Variants in SORT1 observed in about 807,000 individuals in gnomAD.
SORT1 encodes sortilin 1.
SORT1 carries 39 observed loss-of-function variants against 101.7 expected under a neutral mutation model. That is an observed-to-expected ratio of 0.38 (90% CI 0.30 to 0.50). The LOEUF is 0.50. SORT1 is among the 20% of genes least tolerant of loss of function. The pLI is 0.90. For synonymous variants in SORT1, 396 were observed against 393.7 expected (o/e 1.01, Z -0.07); for missense variants, 878 against 1,040.4 (o/e 0.84, Z 2.15).
chr1:109,314,160 C>T lies in SORT1; in HGVS notation c.2481+101G>A. The T allele has an allele frequency of 8.1e-6, 13 of 1,602,186 alleles. No individual in the cohort carries two copies. In the South Asian group the frequency reaches 1.2e-4, roughly 15 times the overall value. ...GCCAAATCTTATGGTCATTAAGTCG[C>T]CTTGGCCCTGGCATATCTTGATCAT... On this transcript the variant is annotated intron_variant, in intron 19 of 19. Coordinates refer to ENST00000256637, the MANE Select transcript of SORT1 (RefSeq NM_002959.7).
At chr1:109,339,200 T>C (rs1303862547) in intron 10 of SORT1, among the ~76,000 whole-genome samples, 1 of 152,140 alleles carries the variant, frequency 6.6e-6, no homozygotes, top group Non-Finnish European at 1.5e-5. Flanking sequence ...GCATGTGTAC[T>C]TCCTTCAGCT....
intron 6 of SORT1, 77 bp downstream of exon 6, chr1:109,350,852 A>G: frequency 1.0e-6 from 1 of 969,684 alleles, no homozygotes; most frequent in South Asian, 1.3e-5. Context: ...AGTGCTCAAT[A>G]TTTATTCATG....
rs550259343 is a variant in SORT1 at position 109,367,392 on chromosome 1, G to A, written c.440+16C>T. 7.5e-6 allele frequency: 11 copies of A among 1,462,122 alleles called. No individual in the cohort carries two copies. The highest frequency in any genetic ancestry group is 2.8e-5 in the African/African-American group (2 of 71,812). The allele number at this position is 1,462,122 out of a possible 1,614,324, so 90.6% of individuals were successfully genotyped here. On this transcript the variant is annotated intron_variant, in intron 3 of 19. Transcript: ENST00000256637. The stretch of plus-strand genomic sequence containing the variant: ...GTTACTTAGTGAAATGCTCCAACGC[G>A]TGTTATTGATCTCACCTTCGATATA...
intron 1 of SORT1, chr1:109,397,100 C>T (rs932475807): frequency 1.3e-5 from 2 of 152,296 alleles, no homozygotes; most frequent in Non-Finnish European, 2.9e-5. Context: ...ATCTCATTTC[C>T]AAGCTAGTCC....
rs763318446 is a variant in SORT1 at position 109,327,148 on chromosome 1, T to A, written c.1487A>T (p.Asp496Val). Residue 496 changes from aspartate (D) to valine (V), a missense_variant, in exon 13 of 20, where the codon GAT (aspartate) becomes GTT (valine). By Grantham distance (152) the Asp-to-Val change is radical (BLOSUM62 -3). Coordinates refer to ENST00000256637, the MANE Select transcript of SORT1 (RefSeq NM_002959.7). ...GIVIAHGSVG[D>V]AISVMVPDVY... ...ATCTGGAACCATCACTGAGATGGCA[T>A]CCCCCACGCTACCTGCAATATAATC... 6.2e-7 allele frequency: 1 copy of A among 1,612,156 alleles called. No individual in the cohort carries two copies. The highest frequency in any genetic ancestry group is 8.5e-7 in the Non-Finnish European group (1 of 1,179,008).
chr1:109,379,606 C>T (rs756174771), intron 1 of SORT1, among the ~76,000 whole-genome samples: 1 of 152,268 alleles, frequency 6.6e-6, no homozygotes, highest in South Asian at 2.1e-4. Flanking sequence ...TTCAGATGAC[C>T]TAATCCTACC....
Position 109,381,223 on chromosome 1 carries a change from T to C in SORT1, c.307-11634A>G, listed in dbSNP as rs186141640. On this transcript the variant is annotated intron_variant, in intron 1 of 19. Coordinates refer to ENST00000256637, the MANE Select transcript of SORT1 (RefSeq NM_002959.7). ...AGATGTCATATGTTGGGGTGATTAC[T>C]GCAGCTAACAACTATTGAACATTCC... Among the ~76,000 whole-genome samples the C allele has an allele frequency of 4.7e-4, 71 of 152,346 alleles. No individual in the cohort carries two copies. In the South Asian group the frequency reaches 7.9e-3, roughly 17 times the overall value.
At position 109,312,273 on chromosome 1, in the gene SORT1, T is replaced by C. The variant is rs1233861164; in HGVS notation, c.*1770A>G. The C allele has an allele frequency of 6.6e-6, 1 of 152,482 alleles. No homozygotes were observed. The allele number at this position is 152,482 out of a possible 1,614,324, so 9.4% of individuals were successfully genotyped here. On this transcript the variant is annotated 3_prime_UTR_variant, in exon 20 of 20. Transcript: ENST00000256637. ...TTTTTAATTTTAAAACCATGCAAAATGAATAAGCAAAAAGACTAGTGCACT... is the reference window on the plus strand; with the variant it reads ...TTTTTAATTTTAAAACCATGCAAAACGAATAAGCAAAAAGACTAGTGCACT...
intron 1 of SORT1, among the ~76,000 whole-genome samples, chr1:109,386,674 A>G (rs1418543430): frequency 6.6e-6 from 1 of 152,170 alleles, no homozygotes; most frequent in African/African-American, 2.4e-5. Flanking sequence ...GCAGCATAGT[A>G]AGACCTCATC....
intron 1 of SORT1, 184 bp downstream of exon 1, chr1:109,397,403 G>T: frequency 5.4e-6 from 1 of 183,888 alleles, no homozygotes; most frequent in Non-Finnish European, 1.1e-5. Flanking sequence ...ACAAAACACA[G>T]CCCCGCCGGC....
At chr1:109,347,228 A>G (rs1338609966) in intron 7 of SORT1, among the ~76,000 whole-genome samples, 1 of 151,514 alleles carries the variant, frequency 6.6e-6, no homozygotes, top group Non-Finnish European at 1.5e-5. Context: ...TGTCTGTAGC[A>G]TAATATTTGC....
rs1015986485 is a variant in SORT1, at chr1:109,323,000, C to G, written c.1956G>C (p.Gln652His). Residue 652 changes from glutamine to histidine, a missense_variant, in exon 15 of 20, where the codon CAG becomes CAC. Gln to His is a conservative substitution (Grantham distance 24). Around this residue, in one of 2 missense-constraint regions of SORT1, gnomAD observed 684 missense variants for 894.5 expected, o/e 0.76. Coordinates refer to ENST00000256637, the MANE Select transcript of SORT1 (RefSeq NM_002959.7). ...FLRLRKSSVC[Q>H]NGRDYVVTKQ... Reference sequence around the variant, plus strand: ...TGGTCACAACATAGTCTCGACCATTCTGACACACGGATGACTTGCGTAGCC... The same window carrying G: ...TGGTCACAACATAGTCTCGACCATTGTGACACACGGATGACTTGCGTAGCC... The G allele has an allele frequency of 1.9e-6, 3 of 1,614,238 alleles. No homozygotes were observed. The highest frequency in any genetic ancestry group is 1.7e-6 in the Non-Finnish European group (2 of 1,180,040).
chr1:109,360,495 ATTTTTTTT>A (rs774193343), intron 3 of SORT1, among the ~76,000 whole-genome samples: 12 of 132,164 alleles, frequency 9.1e-5, no homozygotes, highest in East Asian at 4.4e-4. Flanking sequence ...ACCACACTCA[ATTTTTTTT>A]TTTTTTTTTT....
intron 1 of SORT1, among the ~76,000 whole-genome samples, chr1:109,372,863 C>T (rs1012784555): frequency 6.0e-5 from 9 of 149,822 alleles, no homozygotes; most frequent in Non-Finnish European, 7.4e-5. Context: ...CGCGCCACTG[C>T]ACTCCAGCCT....
At chr1:109,339,031 C>G (rs971297800) in intron 10 of SORT1, among the ~76,000 whole-genome samples, 11 of 152,136 alleles carry the variant, frequency 7.2e-5, no homozygotes, top group African/African-American at 2.2e-4. Context: ...GTGTCCACCA[C>G]CACGCCCAGC....
At chr1:109,346,640 G>C (rs757554355) in intron 7 of SORT1, among the ~76,000 whole-genome samples, 1 of 151,410 alleles carries the variant, frequency 6.6e-6, no homozygotes, top group African/African-American at 2.4e-5. Context: ...AGCTACACAG[G>C]AGGCTGAGGC....
intron 1 of SORT1, among the ~76,000 whole-genome samples, chr1:109,388,614 T>A (rs945284497): frequency 1.3e-5 from 2 of 152,138 alleles, no homozygotes. Context: ...ATTAGAGATA[T>A]GAAAAAAATT....
chr1:109,372,647 G>A (rs190810388), intron 1 of SORT1, among the ~76,000 whole-genome samples: 1 of 152,058 alleles, frequency 6.6e-6, no homozygotes, highest in Non-Finnish European at 1.5e-5. Flanking sequence ...GGCCGGGCGC[G>A]GTGGCTCACA....
rs111481688 is a variant in SORT1 at position 109,369,399 on chromosome 1, C to A, written c.366+131G>T. ...TACAACTTCCTGAAAGTCTGTCTTG[C>A]AAACATGTGTTTTCTGTGATTGAGG... On this transcript the variant is annotated intron_variant, in intron 2 of 19. Transcript: ENST00000256637. 250 of 656,080 alleles carry A rather than the reference C, an allele frequency of 3.8e-4. No homozygotes were observed. In the African/African-American group the frequency reaches 3.9e-3, roughly 10 times the overall value. The allele number at this position is 656,080 out of a possible 1,614,324, so 40.6% of individuals were successfully genotyped here.
Sources: gnomAD v4.1 joint callset for allele counts (sites outside exome capture counted in the v4.1 genomes callset) on GRCh38, gnomAD v4.1.1 for gene constraint, gnomAD v4.1.1 regional missense constraint, MANE v1.5 for transcripts, NCBI Gene and HGNC (gene_info 2026-07-23, HGNC 2026-07-21) for gene names.